MINAR2: variants seen among roughly 807,000 people sequenced by gnomAD.
The protein encoded by MINAR2 is major intrinsically disordered NOTCH2-binding receptor 1-like.
Under a neutral mutation model 16.1 loss-of-function variants are expected in MINAR2, and 21 were observed. The ratio of observed to expected loss-of-function variants is 1.31; its 90% CI spans 0.93 to 1.88. The LOEUF (loss-of-function observed/expected upper bound fraction) is 1.88, where lower values mean the gene tolerates loss of function less well. MINAR2 is among the 40% of genes most tolerant of loss of function. The pLI is 0.00. For missense variants in MINAR2, 259 were observed against 229.8 expected (o/e 1.13, Z -0.82); for synonymous variants, 86 against 83.0 (o/e 1.04, Z -0.20).
chr5:129,758,089 T>C (rs1758078826), intron 1 of MINAR2, among the ~76,000 whole-genome samples: 2 of 152,002 alleles, frequency 1.3e-5, no homozygotes, highest in Non-Finnish European at 2.9e-5. Context: ...AAATGATAAA[T>C]GAATAAAGTT....
chr5:129,753,645 C>A (rs2149545198), intron 1 of MINAR2, among the ~76,000 whole-genome samples: 1 of 151,894 alleles, frequency 6.6e-6, no homozygotes, highest in East Asian at 1.9e-4. Flanking sequence ...CCCAGCTACT[C>A]CGGAGGCTGA....
intron 2 of MINAR2, among the ~76,000 whole-genome samples, chr5:129,761,728 A>AT (rs765380832): frequency 2.6e-5 from 4 of 152,146 alleles, no homozygotes; most frequent in Non-Finnish European, 5.9e-5. Flanking sequence ...TAGAAAAAAA[A>AT]GTACTGATTT....
intron 1 of MINAR2, among the ~76,000 whole-genome samples, chr5:129,753,512 G>C (rs1758013048): frequency 6.8e-6 from 1 of 147,818 alleles, no homozygotes; most frequent in Non-Finnish European, 1.5e-5. Flanking sequence ...CCAGCACTTT[G>C]GGAGGCCGAG....
At chr5:129,755,627 T>C (rs1758045463) in intron 1 of MINAR2, among the ~76,000 whole-genome samples, 1 of 152,128 alleles carries the variant, frequency 6.6e-6, no homozygotes, top group Non-Finnish European at 1.5e-5. Flanking sequence ...TATTTTCTGA[T>C]TGTTTCTTAA....
In MINAR2 at chr5:129,748,262, G is replaced by C. The variant is rs538073106; in HGVS notation, c.72G>C (p.Thr24=). 5.9e-6 allele frequency: 9 copies of C among 1,535,204 alleles called. No individual in the cohort carries two copies. The African/African-American group carries it at 9.6e-5, about 16-fold the overall frequency. ...KFLQLDVKSL[T]RSSALLQASL... is the part of the protein sequence containing the mutation. ...TGCAGCTTGACGTAAAGTCTTTAAC[G>C]AGGAGCTCAGCCCTCCTTCAGGCCA... is the stretch of plus-strand genomic sequence containing the variant. Residue 24 remains threonine, a synonymous_variant, in exon 1 of 3, where the codon ACG becomes ACC. Transcript: ENST00000564719.
intron 1 of MINAR2, among the ~76,000 whole-genome samples, chr5:129,758,854 A>C (rs1758088891): frequency 6.6e-6 from 1 of 152,048 alleles, no homozygotes; most frequent in Non-Finnish European, 1.5e-5. Flanking sequence ...TCTATCTTTG[A>C]GATAAATGCT....
intron 2 of MINAR2, among the ~76,000 whole-genome samples, chr5:129,761,963 A>G (rs1758141495): frequency 1.3e-5 from 2 of 152,072 alleles, no homozygotes; most frequent in Non-Finnish European, 2.9e-5. Context: ...GAGCTGAACA[A>G]TGAGAACACA....
rs1395264293 is a variant in MINAR2 at position 129,765,736 on chromosome 5, A to T, written c.*673A>T. The T allele has an allele frequency of 2.6e-5, 4 of 152,286 alleles. No individual in the cohort carries two copies. The highest frequency in any genetic ancestry group is 2.0e-4 in the Admixed American group (3 of 15,298). The allele number at this position is 152,286 out of a possible 1,614,324, so 9.4% of individuals were successfully genotyped here. On this transcript the variant is annotated 3_prime_UTR_variant, in exon 3 of 3. Coordinates refer to ENST00000564719, the MANE Select transcript of MINAR2 (RefSeq NM_001257308.2). Reference sequence around the variant, plus strand: ...TTGGATAGGCCATAGTTACATAATTAATTACATTTAGATCCAATTTATCCA... The same window carrying T: ...TTGGATAGGCCATAGTTACATAATTTATTACATTTAGATCCAATTTATCCA...
At chr5:129,761,390 A>C (rs2149546733) in intron 2 of MINAR2, among the ~76,000 whole-genome samples, 1 of 152,216 alleles carries the variant, frequency 6.6e-6, no homozygotes, top group Non-Finnish European at 1.5e-5. Flanking sequence ...TGTTTATCTA[A>C]GCTAAGCCCC....
chr5:129,757,899 C>G (rs72792868), intron 1 of MINAR2, among the ~76,000 whole-genome samples: 25,418 of 151,676 alleles, frequency 0.17, 2,315 homozygotes, highest in East Asian at 0.3. Context: ...TCTCATATTT[C>G]TCTTTTACCT....
intron 1 of MINAR2, among the ~76,000 whole-genome samples, chr5:129,755,188 T>C (rs1479649230): frequency 6.6e-6 from 1 of 152,140 alleles, no homozygotes. Context: ...CTTTCCCTGG[T>C]AAAAATCTGT....
rs1455275369 is a variant in MINAR2 at position 129,766,672 on chromosome 5, A to G, written c.*1609A>G. Reference sequence around the variant, plus strand: ...AAAAAAAAAACAAACAAACAAACAAAAAAAACCCCAAAAAAAGAGACAGTT... The same window carrying G: ...AAAAAAAAAACAAACAAACAAACAAGAAAAACCCCAAAAAAAGAGACAGTT... On this transcript the variant is annotated 3_prime_UTR_variant, in exon 3 of 3. Coordinates refer to ENST00000564719, the MANE Select transcript of MINAR2 (RefSeq NM_001257308.2). The G allele has an allele frequency of 1.3e-5, 2 of 151,052 alleles. No homozygotes were observed. The highest frequency in any genetic ancestry group is 4.9e-5 in the African/African-American group (2 of 40,534). 9.4% of individuals were successfully genotyped at this position (151,052 alleles called of 1,614,324 possible). A position where few individuals can be genotyped will look rare whatever the true frequency, so the allele number is the denominator to read the frequency against.
At chr5:129,763,533 C>T (rs1244277223) in intron 2 of MINAR2, among the ~76,000 whole-genome samples, 1 of 152,116 alleles carries the variant, frequency 6.6e-6, no homozygotes, top group Non-Finnish European at 1.5e-5. Context: ...AAAATAGTCT[C>T]TATTAATGAA....
chr5:129,760,651 A>G, intron 2 of MINAR2, 46 bp downstream of exon 2: 1 of 1,370,750 alleles, frequency 7.3e-7, no homozygotes, highest in East Asian at 2.5e-5. Context: ...AAGGGAGATC[A>G]GTCAAATAAT....
chr5:129,753,624 G>A (rs553604899), intron 1 of MINAR2, among the ~76,000 whole-genome samples: 3 of 150,846 alleles, frequency 2.0e-5, no homozygotes, highest in South Asian at 2.1e-4. Flanking sequence ...TTGCTGGCGC[G>A]CACCTGTAAT....
chr5:129,760,374 T>C lies in MINAR2; in HGVS notation c.166-4T>C, dbSNP rs1312520754. The C allele has an allele frequency of 6.5e-7, 1 of 1,534,398 alleles. No individual in the cohort carries two copies. Among genetic ancestry groups the C allele is most frequent in the South Asian group, 1.2e-5 (1 of 84,012 alleles). On this transcript the variant is annotated splice_polypyrimidine_tract_variant and splice_region_variant and intron_variant, in intron 1 of 2. Coordinates refer to ENST00000564719, the MANE Select transcript of MINAR2 (RefSeq NM_001257308.2). ...AAGAGATGCCTTGTTTCTTTGCCTC[T>C]TAGAGGGAAAAGAAGAATATTGCTG... is the stretch of plus-strand genomic sequence containing the variant.
At position 129,756,947 on chromosome 5, in the gene MINAR2, A is replaced by C. The variant is rs866885372; in HGVS notation, c.166-3431A>C. On this transcript the variant is annotated intron_variant, in intron 1 of 2. Coordinates refer to ENST00000564719, the MANE Select transcript of MINAR2 (RefSeq NM_001257308.2). ...GGCTTTCCACAGTAAAAAAAAAAAA[A>C]AAAAAAAAAAACACACACACACAAA... Among the ~76,000 whole-genome samples the C allele has an allele frequency of 4.1e-3, 608 of 148,440 alleles. 5 individuals carry two copies. Among genetic ancestry groups the C allele is most frequent in the Middle Eastern group, 0.014 (4 of 280 alleles).
At chr5:129,756,930 A>C (rs28429145) in intron 1 of MINAR2, among the ~76,000 whole-genome samples, 1 of 88,602 alleles carries the variant, frequency 1.1e-5, no homozygotes, top group Admixed American at 1.4e-4. Context: ...AAGGCTTTCC[A>C]CAGTAAAAAA....
In MINAR2 at chr5:129,748,161, C is replaced by T; in HGVS notation, c.-30C>T. On this transcript the variant is annotated 5_prime_UTR_variant, in exon 1 of 3. Coordinates refer to ENST00000564719, the MANE Select transcript of MINAR2 (RefSeq NM_001257308.2). ...GTCTGACAAGAGCAGCTTTGCCTGTCTTTGTTTTCCACTGTAGGTGAAGGG... is the reference window on the plus strand; with the variant it reads ...GTCTGACAAGAGCAGCTTTGCCTGTTTTTGTTTTCCACTGTAGGTGAAGGG... 11 of 1,530,608 alleles carry T rather than the reference C, an allele frequency of 7.2e-6. No homozygotes were observed. Among genetic ancestry groups the T allele is most frequent in the Non-Finnish European group, 9.6e-6 (11 of 1,143,562 alleles). The allele number at this position is 1,530,608 out of a possible 1,614,324, so 94.8% of individuals were successfully genotyped here.
Sources: gnomAD v4.1 joint callset for allele counts (sites outside exome capture counted in the v4.1 genomes callset) on GRCh38, gnomAD v4.1.1 for gene constraint, MANE v1.5 for transcripts, NCBI Gene and HGNC (gene_info 2026-07-23, HGNC 2026-07-21) for gene names.